HOXB6: variants seen among roughly 807,000 people sequenced by gnomAD.
HOXB6 encodes the protein homeobox B6, also known as homeobox protein Hox-B6.
In HOXB6, 18 loss-of-function variants were observed where a neutral mutation model predicts 24.2. The observed-to-expected ratio is 0.74, with a 90% confidence interval of 0.51 to 1.10. The LOEUF (loss-of-function observed/expected upper bound fraction) is 1.10, where lower values mean the gene tolerates loss of function less well. Ranked by LOEUF, HOXB6 falls within the 50% of genes least tolerant of loss-of-function variation. The pLI is 0.00. For missense variants in HOXB6, 332 were observed against 308.3 expected (o/e 1.08, Z -0.58); for synonymous variants, 159 against 139.1 (o/e 1.14, Z -1.01).
At position 48,596,050 on chromosome 17, in the gene HOXB6, G is replaced by A. The variant is rs1217431633; in HGVS notation, c.*363C>T. 2.1e-6 allele frequency: 1 copy of A among 482,140 alleles called. No individual in the cohort carries two copies. The highest frequency in any genetic ancestry group is 4.1e-6 in the Non-Finnish European group (1 of 244,500). 29.9% of individuals were successfully genotyped at this position (482,140 alleles called of 1,614,324 possible). A position where few individuals can be genotyped will look rare whatever the true frequency, so the allele number is the denominator to read the frequency against. ...GGGACAGCGAATCTACCATTGAACC[G>A]TGCACGGGGGACATGGACAAAATGA... On this transcript the variant is annotated 3_prime_UTR_variant, in exon 4 of 4. Transcript: ENST00000225648. This position sits in a 1 kb window ranked among gnomAD's most constrained non-coding sequence, Gnocchi z 4.8.
intron 2 of HOXB6, among the ~76,000 whole-genome samples, chr17:48,598,750 G>T (rs1349351673): frequency 2.0e-5 from 3 of 152,200 alleles, no homozygotes; most frequent in African/African-American, 7.2e-5. Flanking sequence ...TAGAAGGTGA[G>T]AAGAGTTCTC....
intron 3 of HOXB6, 130 bp downstream of exon 3, chr17:48,597,606 T>C: frequency 9.9e-7 from 1 of 1,008,148 alleles, no homozygotes; most frequent in Non-Finnish European, 1.5e-6. Context: ...CCCAATCTTC[T>C]TCTATCTCCT....
In HOXB6 at chr17:48,595,950, C is replaced by A; in HGVS notation, c.*463G>T. 4.8e-6 allele frequency: 2 copies of A among 416,472 alleles called. No homozygotes were observed. The highest frequency in any genetic ancestry group is 3.4e-5 in the South Asian group (2 of 58,278). The allele number at this position is 416,472 out of a possible 1,614,324, so 25.8% of individuals were successfully genotyped here. A position where few individuals can be genotyped will look rare whatever the true frequency, so the allele number is the denominator to read the frequency against. ...TCTTACTTCTAGGTAGTATGTGCTCCTTCCAGTGGCTTTGGGGAGGGGGTG... is the reference window on the plus strand; with the variant it reads ...TCTTACTTCTAGGTAGTATGTGCTCATTCCAGTGGCTTTGGGGAGGGGGTG... On this transcript the variant is annotated 3_prime_UTR_variant, in exon 4 of 4. Transcript: ENST00000225648.
chr17:48,604,882 CTCTT>C lies in HOXB6; in HGVS notation c.-239_-236del, dbSNP rs2070546541. The stretch of plus-strand genomic sequence containing the variant: ...CTCACCCCCCTCTCTCGTCCTCTCT[CTCTT>C]TTGCTCTATCGAGCTGATACTGAAG... On this transcript the variant is annotated 5_prime_UTR_variant, in exon 1 of 4. Coordinates refer to ENST00000225648, the MANE Select transcript of HOXB6 (RefSeq NM_018952.5). 1 of 152,288 alleles carries C rather than the reference CTCTT, an allele frequency of 6.6e-6. No homozygotes were observed. Among genetic ancestry groups the C allele is most frequent in the Non-Finnish European group, 1.5e-5 (1 of 67,988 alleles). 9.4% of individuals were successfully genotyped at this position (152,288 alleles called of 1,614,324 possible). A position where few individuals can be genotyped will look rare whatever the true frequency, so the allele number is the denominator to read the frequency against.
In HOXB6 at chr17:48,598,216, C is replaced by T. The variant is rs2070370330; in HGVS notation, c.-66G>A. ...TTTATGATTTGTTGTGTTTTATAGT[C>T]CGAGCGCCGCGCCTATTAGTAGTAT... On this transcript the variant is annotated 5_prime_UTR_variant, in exon 3 of 4. Transcript: ENST00000225648. The T allele has an allele frequency of 6.9e-7, 1 of 1,451,690 alleles. No individual in the cohort carries two copies. Among genetic ancestry groups the T allele is most frequent in the Non-Finnish European group, 9.1e-7 (1 of 1,093,278 alleles). The allele number at this position is 1,451,690 out of a possible 1,614,324, so 89.9% of individuals were successfully genotyped here.
rs2070357993 is a variant in HOXB6, at chr17:48,597,966, G to A, written c.185C>T (p.Ala62Val). ...CGCCGCTCGGCCGTAGCCACCGCCC[G>A]CCGGCGGGTAATAGGAGGAAGTGGC... ...GFATSSYYPPAGGGYGRAAPC... is the reference protein window; with the variant it reads ...GFATSSYYPPVGGGYGRAAPC... Residue 62 changes from alanine (A) to valine (V), a missense_variant, in exon 3 of 4, where the codon GCG (alanine) becomes GTG (valine). Coordinates refer to ENST00000225648, the MANE Select transcript of HOXB6 (RefSeq NM_018952.5). 5 of 1,580,672 alleles carry A rather than the reference G, an allele frequency of 3.2e-6. No homozygotes were observed. The highest frequency in any genetic ancestry group is 4.3e-6 in the Non-Finnish European group (5 of 1,163,566).
chr17:48,598,811 G>T lies in HOXB6; in HGVS notation c.-78-583C>A, dbSNP rs144582809. Among the ~76,000 whole-genome samples the T allele has an allele frequency of 4.4e-3, 668 of 152,270 alleles. 3 individuals are homozygous for T. The highest frequency in any genetic ancestry group is 0.015 in the African/African-American group (633 of 41,538). On this transcript the variant is annotated intron_variant, in intron 2 of 3. Transcript: ENST00000225648. ...CCCTCCTCCCCAGGTTTTGAACATC[G>T]TTTTTCCTGTTTATCAGATCTGCTC...
At position 48,596,097 on chromosome 17, in the gene HOXB6, T is replaced by G; in HGVS notation, c.*316A>C. On this transcript the variant is annotated 3_prime_UTR_variant, in exon 4 of 4. Coordinates refer to ENST00000225648, the MANE Select transcript of HOXB6 (RefSeq NM_018952.5). The surrounding 1 kb of genome is among the most constrained non-coding windows in gnomAD (Gnocchi z 4.8). ...ATGAGACGCGACAGGGACAAGAGCA[T>G]TTTGCTCTGCTTCCAGGAAACATCA... 3 of 559,892 alleles carry G rather than the reference T, an allele frequency of 5.4e-6. No homozygotes were observed. Among genetic ancestry groups the G allele is most frequent in the Non-Finnish European group, 1.0e-5 (3 of 293,988 alleles). The allele number at this position is 559,892 out of a possible 1,614,324, so 34.7% of individuals were successfully genotyped here.
In HOXB6 at chr17:48,604,484, G is replaced by A. The variant is rs1053033584; in HGVS notation, c.-83C>T. 1 of 148,856 alleles carries A rather than the reference G, an allele frequency of 6.7e-6. No individual in the cohort carries two copies. Among genetic ancestry groups the A allele is most frequent in the African/African-American group, 2.5e-5 (1 of 40,504 alleles). 9.2% of individuals were successfully genotyped at this position (148,856 alleles called of 1,614,324 possible). A position where few individuals can be genotyped will look rare whatever the true frequency, so the allele number is the denominator to read the frequency against. Reference sequence around the variant, plus strand: ...AAATTGTAGAATCTCCCTTACCTTTGCAGACCTTGGGATTTTTTCCCCCTC... The same window carrying A: ...AAATTGTAGAATCTCCCTTACCTTTACAGACCTTGGGATTTTTTCCCCCTC... On this transcript the variant is annotated 5_prime_UTR_variant, in exon 2 of 4. Coordinates refer to ENST00000225648, the MANE Select transcript of HOXB6 (RefSeq NM_018952.5).
Position 48,598,236 on chromosome 17 carries a change from T to TA in HOXB6, c.-78-9dup, listed in dbSNP as rs1453328260. On this transcript the variant is annotated splice_polypyrimidine_tract_variant and intron_variant, in intron 2 of 3. Transcript: ENST00000225648. ...ATAGTCCGAGCGCCGCGCCTATTAG[T>TA]AGTATATCCGAGATTGGGTTTTAGC... 1.6e-5 allele frequency: 22 copies of TA among 1,376,312 alleles called. No individual in the cohort carries two copies. In the Admixed American group the frequency reaches 6.0e-4, roughly 37 times the overall value. The allele number at this position is 1,376,312 out of a possible 1,614,324, so 85.3% of individuals were successfully genotyped here. A position where few individuals can be genotyped will look rare whatever the true frequency, so the allele number is the denominator to read the frequency against.
chr17:48,601,188 C>A (rs1444023065), intron 2 of HOXB6, among the ~76,000 whole-genome samples: 1 of 152,094 alleles, frequency 6.6e-6, no homozygotes, highest in Non-Finnish European at 1.5e-5. Context: ...ACTCAATTCT[C>A]GTCCTGGACT....
intron 2 of HOXB6, chr17:48,601,855 AC>A (rs1461369990): frequency 4.0e-6 from 1 of 248,488 alleles, no homozygotes; most frequent in Non-Finnish European, 8.1e-6. Context: ...GCTTCCTCCT[AC>A]GGCTTGAAAG....
At chr17:48,597,098 G>T in intron 3 of HOXB6, 5 of 1,094,986 alleles carry the variant, frequency 4.6e-6, no homozygotes, top group Non-Finnish European at 5.6e-6. Flanking sequence ...TTCGAGTCCG[G>T]CTAATGGACA....
At chr17:48,598,453 C>G (rs1395182489) in intron 2 of HOXB6, among the ~76,000 whole-genome samples, 1 of 152,046 alleles carries the variant, frequency 6.6e-6, no homozygotes, top group Non-Finnish European at 1.5e-5. Flanking sequence ...CCTCTCTCCC[C>G]CCAACAACAC....
In HOXB6 at chr17:48,596,588, T is replaced by C. The variant is rs1450128132; in HGVS notation, c.500A>G (p.Tyr167Cys). The stretch of plus-strand genomic sequence containing the variant: ...CCGCCGCCGCGTCAGGTAGCGATTG[T>C]AGTGAAACTCCTTCTCCAGCTCCAG... ...QTLELEKEFHYNRYLTRRRRI... is the reference protein window; with the variant it reads ...QTLELEKEFHCNRYLTRRRRI... Residue 167 changes from tyrosine to cysteine, a missense_variant, in exon 4 of 4, where the codon TAC (tyrosine) becomes TGC (cysteine). By Grantham distance (194) the Tyr-to-Cys change is radical (BLOSUM62 -2). Coordinates refer to ENST00000225648, the MANE Select transcript of HOXB6 (RefSeq NM_018952.5). This position sits in a 1 kb window ranked among gnomAD's most constrained non-coding sequence, Gnocchi z 4.8. 1 of 1,614,218 alleles carries C rather than the reference T, an allele frequency of 6.2e-7. No individual in the cohort carries two copies. The highest frequency in any genetic ancestry group is 1.7e-4 in the Middle Eastern group (1 of 6,060).
In HOXB6 at chr17:48,600,354, G is replaced by A. The variant is rs3744775; in HGVS notation, c.-78-2126C>T. On this transcript the variant is annotated intron_variant, in intron 2 of 3. Coordinates refer to ENST00000225648, the MANE Select transcript of HOXB6 (RefSeq NM_018952.5). ...GTGAAGTCTGAACAAAATAAGATCT[G>A]GTGAGGAAGGGAGCATTTCCCTGTG... 1,146 of 430,040 alleles carry A rather than the reference G, an allele frequency of 2.7e-3. 14 individuals carry two copies. In the East Asian group the frequency reaches 0.036, roughly 13 times the overall value. 26.6% of individuals were successfully genotyped at this position (430,040 alleles called of 1,614,324 possible).
chr17:48,598,790 C>T (rs911085838), intron 2 of HOXB6, among the ~76,000 whole-genome samples: 1 of 152,332 alleles, frequency 6.6e-6, no homozygotes, highest in East Asian at 1.9e-4. Context: ...GAAACACCCT[C>T]CTCCCCAGGT....
chr17:48,602,018 G>A, intron 2 of HOXB6: 1 of 438,678 alleles, frequency 2.3e-6, no homozygotes, highest in Non-Finnish European at 4.6e-6. Context: ...CGACGGTGTG[G>A]TTCCTTAAGG....
rs757440393 is a variant in HOXB6 at position 48,597,776 on chromosome 17, A to G, written c.375T>C (p.Thr125=). 3 of 1,612,772 alleles carry G rather than the reference A, an allele frequency of 1.9e-6. No homozygotes were observed. In the African/African-American group the frequency reaches 4.0e-5, roughly 22 times the overall value. ...FGETEEQKCS[T]PVYPWMQRMN... is the part of the protein sequence containing the mutation. The stretch of plus-strand genomic sequence containing the variant: ...TCCGCTGCATCCACGGGTAGACCGG[A>G]GTGGAGCACTTCTGCTCTTCTGTCT... The change falls in exon 3 of 4, where the codon ACT becomes ACC. Residue 125 remains threonine (T), a synonymous_variant. Coordinates refer to ENST00000225648, the MANE Select transcript of HOXB6 (RefSeq NM_018952.5).
Sources: gnomAD v4.1 joint callset for allele counts (sites outside exome capture counted in the v4.1 genomes callset) on GRCh38, gnomAD v4.1.1 for gene constraint, Gnocchi (gnomAD v3.1) non-coding constraint, MANE v1.5 for transcripts, NCBI Gene and HGNC (gene_info 2026-07-23, HGNC 2026-07-21) for gene names.